Variants in MSRB3 observed in about 807,000 individuals in gnomAD.
The protein encoded by MSRB3 is methionine sulfoxide reductase B3, also known as methionine-R-sulfoxide reductase B3.
A neutral mutation model predicts 21.0 loss-of-function variants in MSRB3; 13 were observed. The observed-to-expected ratio is 0.62, with a 90% confidence interval of 0.40 to 0.98. MSRB3 has a LOEUF of 0.98. Among genes scored for constraint, MSRB3 ranks in the 50% least tolerant of loss-of-function variants. The pLI, the probability that MSRB3 is intolerant of heterozygous loss-of-function variation, is 0.00. For synonymous variants in MSRB3, 87 were observed against 88.6 expected (o/e 0.98, Z 0.10); for missense variants, 199 against 230.3 (o/e 0.86, Z 0.88).
chr12:65,346,258 C>G (rs1285072000), intron 4 of MSRB3, among the ~76,000 whole-genome samples: 3 of 152,152 alleles, frequency 2.0e-5, no homozygotes, highest in African/African-American at 7.2e-5. Context: ...TGTTTCCTGA[C>G]TTTTTAATGA....
At position 65,390,383 on chromosome 12, in the gene MSRB3, C is replaced by T. The variant is rs1278493190; in HGVS notation, c.292+21357C>T. Among the ~76,000 whole-genome samples the T allele has an allele frequency of 2.6e-5, 4 of 151,934 alleles. No individual in the cohort carries two copies. In the East Asian group the frequency reaches 7.7e-4, roughly 29 times the overall value. ...ATTTTCTTTTATTCATAGGAATAAC[C>T]TAATAAAAAAAAATCAAAGGAAAAC... is the stretch of plus-strand genomic sequence containing the variant. On this transcript the variant is annotated intron_variant, in intron 5 of 6. Coordinates refer to ENST00000308259, the MANE Select transcript of MSRB3 (RefSeq NM_001031679.3).
chr12:65,286,657 C>T (rs1234358013), intron 1 of MSRB3: 1 of 150,750 alleles, frequency 6.6e-6, no homozygotes, highest in South Asian at 2.1e-4. Flanking sequence ...TCTTTCAGTA[C>T]ATATGTAAGA....
At chr12:65,402,074 T>G (rs189463737) in intron 5 of MSRB3, among the ~76,000 whole-genome samples, 1 of 152,326 alleles carries the variant, frequency 6.6e-6, no homozygotes, top group Non-Finnish European at 1.5e-5. Context: ...TTGGTGAATC[T>G]GGCGATTATG....
chr12:65,422,117 A>T (rs951445600), intron 5 of MSRB3, among the ~76,000 whole-genome samples: 2 of 151,990 alleles, frequency 1.3e-5, no homozygotes, highest in Non-Finnish European at 2.9e-5. Flanking sequence ...ACCAACAAAG[A>T]TCAAAAAAGA....
chr12:65,397,836 CTTA>C, intron 5 of MSRB3, among the ~76,000 whole-genome samples: 1 of 152,294 alleles, frequency 6.6e-6, no homozygotes, highest in South Asian at 2.1e-4. Context: ...TCAACTCCCA[CTTA>C]TGAGTGAGAA....
At chr12:65,290,556 C>G (rs1321356510) in intron 1 of MSRB3, among the ~76,000 whole-genome samples, 1 of 152,178 alleles carries the variant, frequency 6.6e-6, no homozygotes, top group African/African-American at 2.4e-5. Context: ...TTCTACAGGT[C>G]TTTTAAAAAT....
intron 4 of MSRB3, among the ~76,000 whole-genome samples, chr12:65,368,085 C>T (rs1878114275): frequency 1.3e-5 from 2 of 152,164 alleles, no homozygotes; most frequent in East Asian, 1.9e-4. Flanking sequence ...AGAAAGCCAC[C>T]GCTTCCAAAA....
chr12:65,339,179 C>A (rs960363906), intron 4 of MSRB3, among the ~76,000 whole-genome samples: 17 of 152,212 alleles, frequency 1.1e-4, no homozygotes, highest in African/African-American at 4.1e-4. Context: ...AGCCTCAGCT[C>A]TATTTACATT....
intron 1 of MSRB3, among the ~76,000 whole-genome samples, chr12:65,299,969 T>G (rs963042086): frequency 6.6e-6 from 1 of 152,200 alleles, no homozygotes; most frequent in Admixed American, 6.5e-5. Context: ...TCCTTCTCAT[T>G]AGTTCCAGGG....
intron 5 of MSRB3, among the ~76,000 whole-genome samples, chr12:65,382,486 A>G (rs1878989519): frequency 6.6e-6 from 1 of 152,046 alleles, no homozygotes; most frequent in Admixed American, 6.5e-5. Flanking sequence ...ATTTAAATTT[A>G]TACAGTAGAA....
intron 5 of MSRB3, among the ~76,000 whole-genome samples, chr12:65,445,227 C>G (rs1013530893): frequency 6.6e-6 from 1 of 152,068 alleles, no homozygotes; most frequent in African/African-American, 2.4e-5. Flanking sequence ...TAAACTCTCC[C>G]CTGCTTCCCA....
chr12:65,318,728 A>G (rs566774974), intron 2 of MSRB3, among the ~76,000 whole-genome samples: 2 of 152,294 alleles, frequency 1.3e-5, no homozygotes, highest in Non-Finnish European at 1.5e-5. Flanking sequence ...GGATCAAGAC[A>G]TTTTAAAAAT....
intron 5 of MSRB3, among the ~76,000 whole-genome samples, chr12:65,416,226 C>G (rs1011694219): frequency 6.6e-6 from 1 of 152,172 alleles, no homozygotes; most frequent in Non-Finnish European, 1.5e-5. Flanking sequence ...GAAATGTTCC[C>G]CATTAATTGC....
intron 6 of MSRB3, 25 bp from the exon 7 acceptor site, chr12:65,463,130 C>A (rs764289782): frequency 6.2e-7 from 1 of 1,613,698 alleles, no homozygotes; most frequent in South Asian, 1.1e-5. Context: ...ATGCTTTTCC[C>A]TGACGTTTTG....
At chr12:65,426,342 C>T (rs1297787153) in intron 5 of MSRB3, among the ~76,000 whole-genome samples, 1 of 151,990 alleles carries the variant, frequency 6.6e-6, no homozygotes, top group African/African-American at 2.4e-5. Flanking sequence ...GTTGGCAGTC[C>T]CGTCCTCCCC....
intron 5 of MSRB3, among the ~76,000 whole-genome samples, chr12:65,399,212 A>T (rs1002507556): frequency 5.3e-5 from 8 of 152,168 alleles, no homozygotes; most frequent in African/African-American, 1.9e-4. Flanking sequence ...GGCCATTTTC[A>T]TGATATTGAT....
chr12:65,388,062 C>A (rs1284709087), intron 5 of MSRB3, among the ~76,000 whole-genome samples: 1 of 152,088 alleles, frequency 6.6e-6, no homozygotes, highest in Non-Finnish European at 1.5e-5. Context: ...TGTAATCTTT[C>A]TATTTCTTTA....
At chr12:65,367,419 G>A (rs1878073395) in intron 4 of MSRB3, among the ~76,000 whole-genome samples, 1 of 152,218 alleles carries the variant, frequency 6.6e-6, no homozygotes, top group African/African-American at 2.4e-5. Flanking sequence ...GAGGAGGGAA[G>A]CTTAAGCAGA....
intron 5 of MSRB3, among the ~76,000 whole-genome samples, chr12:65,437,281 A>G (rs1015820440): frequency 1.3e-5 from 2 of 151,870 alleles, no homozygotes; most frequent in African/African-American, 4.8e-5. Flanking sequence ...AGAGATCGGC[A>G]TAGCCACTTC....
Sources: gnomAD v4.1 joint callset for allele counts (sites outside exome capture counted in the v4.1 genomes callset) on GRCh38, gnomAD v4.1.1 for gene constraint, MANE v1.5 for transcripts, NCBI Gene and HGNC (gene_info 2026-07-23, HGNC 2026-07-21) for gene names.